FBXO34: variants seen among roughly 807,000 people sequenced by gnomAD.
FBXO34 encodes the protein F-box protein 34.
A neutral mutation model predicts 24.5 loss-of-function variants in FBXO34; 12 were observed. The ratio of observed to expected loss-of-function variants is 0.49; its 90% CI spans 0.31 to 0.79. The LOEUF is 0.79. Ranked by LOEUF, FBXO34 falls within the 30% of genes least tolerant of loss-of-function variation. The probability of loss-of-function intolerance (pLI) is 0.04; values close to 1 mark genes in which losing one functional copy is unlikely to be tolerated. For synonymous variants in FBXO34, 320 were observed against 311.9 expected, an observed-to-expected ratio of 1.03 and a Z score of -0.27; for missense variants, 823 against 857.7, an observed-to-expected ratio of 0.96 and a Z score of 0.51.
downstream of FBXO34, chr14:55,369,573 G>C (rs1180965584): frequency 6.9e-7 from 1 of 1,438,880 alleles, no homozygotes; most frequent in Non-Finnish European, 9.3e-7. Flanking sequence ...TGTAGTGGGA[G>C]AAGAACTTTC....
chr14:55,356,754 G>A (rs1006759767), downstream of FBXO34, among the ~76,000 whole-genome samples: 11 of 152,144 alleles, frequency 7.2e-5, no homozygotes, highest in African/African-American at 2.2e-4. Flanking sequence ...CACCGTGCCT[G>A]GCTGTTTCTG....
At chr14:55,424,445 A>G in the FBXO34 span, among the ~76,000 whole-genome samples, 6 of 152,336 alleles carry the variant, frequency 3.9e-5, no homozygotes, top group South Asian at 6.2e-4. Context: ...AGTTAGGAAC[A>G]TAATTAATTT....
intron 1 of FBXO34, among the ~76,000 whole-genome samples, chr14:55,345,164 C>G (rs969712251): frequency 6.6e-6 from 1 of 152,140 alleles, no homozygotes; most frequent in Non-Finnish European, 1.5e-5. Context: ...CTCCCCTGCT[C>G]CAAGTATGCT....
chr14:55,363,516 T>C (rs1474806610), downstream of FBXO34, among the ~76,000 whole-genome samples: 1 of 150,936 alleles, frequency 6.6e-6, no homozygotes, highest in Non-Finnish European at 1.5e-5. Context: ...TTAGTAGAGA[T>C]GTGGTTTTCA....
At chr14:55,308,133 T>C (rs1428383065) in intron 1 of FBXO34, among the ~76,000 whole-genome samples, 2 of 152,202 alleles carry the variant, frequency 1.3e-5, no homozygotes, top group Non-Finnish European at 2.9e-5. Flanking sequence ...TGATTGTGAT[T>C]AGTAGTGCGA....
chr14:55,297,273 G>T (rs1351367883), intron 1 of FBXO34, among the ~76,000 whole-genome samples: 1 of 152,168 alleles, frequency 6.6e-6, no homozygotes, highest in African/African-American at 2.4e-5. Flanking sequence ...ATCTACCCAA[G>T]TAATTTCTTT....
At chr14:55,438,470 G>C in the FBXO34 span, among the ~76,000 whole-genome samples, 1 of 152,108 alleles carries the variant, frequency 6.6e-6, no homozygotes, top group Non-Finnish European at 1.5e-5. Context: ...TCCACTGCAG[G>C]GTTTCCTTGG....
At chr14:55,349,882 C>T (rs1468747131) in intron 1 of FBXO34, among the ~76,000 whole-genome samples, 1 of 152,034 alleles carries the variant, frequency 6.6e-6, no homozygotes, top group African/African-American at 2.4e-5. Flanking sequence ...GCTGGGATTA[C>T]AGACGTCAGT....
At chr14:55,433,619 A>T in the FBXO34 span, 1 of 1,612,254 alleles carries the variant, frequency 6.2e-7, no homozygotes, top group Non-Finnish European at 8.5e-7. Flanking sequence ...TGGAGGGATG[A>T]TTCCTCATAC....
chr14:55,394,657 C>G, the FBXO34 span, among the ~76,000 whole-genome samples: 2 of 152,050 alleles, frequency 1.3e-5, no homozygotes, highest in East Asian at 1.9e-4. Flanking sequence ...ACAGAGTGCA[C>G]GAAATTCTGA....
intron 1 of FBXO34, among the ~76,000 whole-genome samples, chr14:55,287,481 G>A (rs970050176): frequency 1.3e-5 from 2 of 152,110 alleles, no homozygotes; most frequent in African/African-American, 4.8e-5. Context: ...CATTAATATA[G>A]TGGAATAATA....
chr14:55,388,183 T>A, the FBXO34 span, among the ~76,000 whole-genome samples: 1 of 152,200 alleles, frequency 6.6e-6, no homozygotes, highest in Non-Finnish European at 1.5e-5. Flanking sequence ...TTAATGTGAA[T>A]GTCCTAAAGG....
At chr14:55,293,829 G>A (rs569427104) in intron 1 of FBXO34, among the ~76,000 whole-genome samples, 2 of 133,112 alleles carry the variant, frequency 1.5e-5, no homozygotes, top group Admixed American at 1.5e-4. Flanking sequence ...TTTTTATGAA[G>A]TGTGGTTTTT....
At chr14:55,320,698 C>T (rs564529564) in intron 1 of FBXO34, among the ~76,000 whole-genome samples, 62 of 152,080 alleles carry the variant, frequency 4.1e-4, no homozygotes, top group Middle Eastern at 3.4e-3. Context: ...GTGGAGCTTG[C>T]GGTAAGTCGA....
chr14:55,396,605 T>G, the FBXO34 span, among the ~76,000 whole-genome samples: 2 of 152,254 alleles, frequency 1.3e-5, no homozygotes, highest in South Asian at 2.1e-4. Context: ...TTGGCATGGT[T>G]TGGGGAGATG....
rs140501457 is a variant in FBXO34 at position 55,273,041 on chromosome 14, T to C, written c.-11+1504T>C. ...CATATCAGTACTTTTCATTTCCTCC[T>C]CTGTAGAATAATGTAAATGGAATCT... On this transcript the variant is annotated intron_variant, in intron 1 of 1. Coordinates refer to ENST00000313833, the MANE Select transcript of FBXO34 (RefSeq NM_017943.4). Among the ~76,000 whole-genome samples the C allele has an allele frequency of 1.5e-3, 222 of 152,346 alleles. 1 individual carries two copies. Among genetic ancestry groups the C allele is most frequent in the African/African-American group, 5.3e-3 (219 of 41,584 alleles).
the FBXO34 span, among the ~76,000 whole-genome samples, chr14:55,399,466 G>T: frequency 3.9e-5 from 6 of 152,142 alleles, no homozygotes; most frequent in African/African-American, 1.4e-4. Flanking sequence ...AACCAATGTG[G>T]AATGTGGATG....
At chr14:55,349,629 A>G (rs1884275791) in intron 1 of FBXO34, among the ~76,000 whole-genome samples, 1 of 65,086 alleles carries the variant, frequency 1.5e-5, no homozygotes. Context: ...TTTTTTTGAG[A>G]CAAAGTCTCG....
At chr14:55,423,097 C>T in the FBXO34 span, among the ~76,000 whole-genome samples, 32,556 of 151,938 alleles carry the variant, frequency 0.21, 5,646 homozygotes, top group African/African-American at 0.48. Context: ...TAAGTTATGT[C>T]ATGTACATAT....
Sources: allele counts gnomAD v4.1 joint callset (sites outside exome capture counted in the v4.1 genomes callset), GRCh38; gene constraint gnomAD v4.1.1; transcripts MANE v1.5; gene names NCBI Gene and HGNC (gene_info 2026-07-23, HGNC 2026-07-21).